Variants in GALNTL6 observed in about 807,000 individuals in gnomAD.
The protein encoded by GALNTL6 is polypeptide N-acetylgalactosaminyltransferase-like 6.
GALNTL6 carries 46 observed loss-of-function variants against 73.7 expected under a neutral mutation model. The observed-to-expected ratio is 0.62, with a 90% confidence interval of 0.49 to 0.80. The LOEUF (loss-of-function observed/expected upper bound fraction) is 0.80, where lower values mean the gene tolerates loss of function less well. GALNTL6 is among the 30% of genes least tolerant of loss of function. GALNTL6 has a pLI of 0.00. For synonymous variants in GALNTL6, 259 were observed against 263.7 expected (o/e 0.98, Z 0.17); for missense variants, 604 against 755.0 (o/e 0.80, Z 2.34).
intron 5 of GALNTL6, among the ~76,000 whole-genome samples, chr4:172,459,458 G>T (rs1316407472): frequency 1.3e-5 from 2 of 152,190 alleles, no homozygotes; most frequent in Non-Finnish European, 2.9e-5. Flanking sequence ...TGTATATTTA[G>T]AAAACCCCAT....
chr4:172,469,722 A>G (rs982621537), intron 5 of GALNTL6, among the ~76,000 whole-genome samples: 5 of 152,242 alleles, frequency 3.3e-5, no homozygotes, highest in Non-Finnish European at 7.3e-5. Flanking sequence ...CCTATTTTAA[A>G]GGACACACTG....
At chr4:172,890,393 T>A (rs1745968803) in intron 8 of GALNTL6, among the ~76,000 whole-genome samples, 1 of 152,182 alleles carries the variant, frequency 6.6e-6, no homozygotes. Flanking sequence ...TTCTTTTTAA[T>A]ACTGCTTGTG....
At chr4:172,577,841 A>G (rs1007294075) in intron 5 of GALNTL6, among the ~76,000 whole-genome samples, 8 of 152,202 alleles carry the variant, frequency 5.3e-5, no homozygotes, top group Non-Finnish European at 1.2e-4. Context: ...GTCAAGATCA[A>G]TATATACAAA....
At chr4:172,076,835 G>C (rs1469315674) in intron 2 of GALNTL6, among the ~76,000 whole-genome samples, 4 of 152,250 alleles carry the variant, frequency 2.6e-5, no homozygotes, top group Non-Finnish European at 4.4e-5. Flanking sequence ...CCAATTATAT[G>C]GTTTGGATTT....
intron 5 of GALNTL6, among the ~76,000 whole-genome samples, chr4:172,395,895 A>G (rs1212077212): frequency 6.6e-6 from 1 of 152,154 alleles, no homozygotes; most frequent in Non-Finnish European, 1.5e-5. Context: ...GAGGAGAAAA[A>G]TGAGTCCCTA....
chr4:173,011,464 T>C (rs1752549621), intron 11 of GALNTL6, among the ~76,000 whole-genome samples: 1 of 152,190 alleles, frequency 6.6e-6, no homozygotes, highest in Non-Finnish European at 1.5e-5. Flanking sequence ...CTCAATGTTT[T>C]CTTGTAGTAG....
chr4:172,341,999 C>A (rs577149995), intron 4 of GALNTL6, among the ~76,000 whole-genome samples: 1 of 151,970 alleles, frequency 6.6e-6, no homozygotes, highest in African/African-American at 2.4e-5. Context: ...ATATGCAAAA[C>A]CAATATAGGA....
At chr4:172,658,067 G>A (rs1731146465) in intron 5 of GALNTL6, among the ~76,000 whole-genome samples, 1 of 136,544 alleles carries the variant, frequency 7.3e-6, no homozygotes, top group African/African-American at 2.7e-5. Flanking sequence ...GGAGAATGGC[G>A]TGAACCCGGG....
At chr4:172,180,901 C>G (rs549032883) in intron 2 of GALNTL6, among the ~76,000 whole-genome samples, 1 of 152,238 alleles carries the variant, frequency 6.6e-6, no homozygotes, top group South Asian at 2.1e-4. Flanking sequence ...AAGCTTTGTT[C>G]TTTTTGCTTA....
At chr4:172,036,906 G>C (rs367927972) in intron 2 of GALNTL6, among the ~76,000 whole-genome samples, 1 of 152,058 alleles carries the variant, frequency 6.6e-6, no homozygotes, top group Admixed American at 6.6e-5. Context: ...AGTTACCCTA[G>C]GGATAACATG....
intron 9 of GALNTL6, among the ~76,000 whole-genome samples, chr4:172,943,719 G>A (rs928917383): frequency 6.6e-6 from 1 of 152,146 alleles, no homozygotes; most frequent in African/African-American, 2.4e-5. Flanking sequence ...CATCTGATAA[G>A]TGCTTAATAT....
At chr4:172,390,193 A>T (rs1308675230) in intron 5 of GALNTL6, among the ~76,000 whole-genome samples, 2 of 152,226 alleles carry the variant, frequency 1.3e-5, no homozygotes, top group African/African-American at 4.8e-5. Flanking sequence ...AATATTTTAA[A>T]AATTGACTTA....
intron 7 of GALNTL6, among the ~76,000 whole-genome samples, chr4:172,832,975 A>G (rs1367371544): frequency 1.3e-5 from 2 of 151,972 alleles, no homozygotes; most frequent in African/African-American, 2.4e-5. Context: ...GTGCAGGCCT[A>G]TGTCACAGCC....
intron 9 of GALNTL6, among the ~76,000 whole-genome samples, 161 bp from the exon 10 acceptor site, chr4:172,951,876 C>T (rs1393135355): frequency 6.6e-6 from 1 of 152,176 alleles, no homozygotes; most frequent in Non-Finnish European, 1.5e-5. Flanking sequence ...ATATCATACC[C>T]CTTGCTGTTA....
intron 2 of GALNTL6, chr4:172,052,681 C>T (rs1730910377): frequency 1.9e-6 from 1 of 530,488 alleles, no homozygotes; most frequent in Non-Finnish European, 3.3e-6. Context: ...CCAGGGTAGA[C>T]AAGGTTAGCT....
intron 5 of GALNTL6, among the ~76,000 whole-genome samples, chr4:172,790,485 G>A (rs1037199322): frequency 2.2e-4 from 34 of 152,274 alleles, no homozygotes; most frequent in African/African-American, 7.7e-4. Context: ...CCAGAAAGAA[G>A]GACCTCACCA....
intron 5 of GALNTL6, among the ~76,000 whole-genome samples, chr4:172,387,350 A>G (rs1237624790): frequency 6.6e-6 from 1 of 152,198 alleles, no homozygotes; most frequent in Non-Finnish European, 1.5e-5. Flanking sequence ...GACAGAAATG[A>G]AATCACTAAG....
intron 5 of GALNTL6, among the ~76,000 whole-genome samples, chr4:172,782,916 G>A (rs774263798): frequency 3.9e-5 from 6 of 152,096 alleles, no homozygotes; most frequent in Non-Finnish European, 5.9e-5. Context: ...TTTTCGAAGA[G>A]CTTGTTATGC....
chr4:172,565,028 T>C (rs938320280), intron 5 of GALNTL6, among the ~76,000 whole-genome samples: 2 of 152,200 alleles, frequency 1.3e-5, no homozygotes, highest in Admixed American at 6.5e-5. Context: ...CCCCAGCAGA[T>C]TCAGTGTCTG....
Sources: allele counts gnomAD v4.1 joint callset (sites outside exome capture counted in the v4.1 genomes callset), GRCh38; gene constraint gnomAD v4.1.1; transcripts MANE v1.5; gene names NCBI Gene and HGNC (gene_info 2026-07-23, HGNC 2026-07-21).